The following DHX40 variants were observed in gnomAD, a reference collection of about 807,000 sequenced individuals.
DHX40 encodes the protein probable ATP-dependent RNA helicase DHX40.
DHX40 carries 28 observed loss-of-function variants against 89.6 expected under a neutral mutation model. That is an observed-to-expected ratio of 0.31 (90% CI 0.23 to 0.43). The LOEUF is 0.43. Ranked by LOEUF, DHX40 falls within the 20% of genes least tolerant of loss-of-function variation. The pLI is 1.00. For missense variants in DHX40, 457 were observed against 844.0 expected (o/e 0.54, Z 5.68); for synonymous variants, 226 against 283.6 (o/e 0.80, Z 2.04).
chr17:59,568,417 C>T (rs1019927946), intron 2 of DHX40, among the ~76,000 whole-genome samples: 2 of 152,040 alleles, frequency 1.3e-5, no homozygotes, highest in African/African-American at 4.8e-5. Flanking sequence ...TAAGATATAT[C>T]ACTATTTTAT....
chr17:59,571,511 T>C (rs2048808374), intron 3 of DHX40, among the ~76,000 whole-genome samples: 1 of 151,670 alleles, frequency 6.6e-6, no homozygotes, highest in Non-Finnish European at 1.5e-5. Flanking sequence ...CCATTTCTAC[T>C]TTCAGAACTT....
intron 6 of DHX40, among the ~76,000 whole-genome samples, chr17:59,575,110 A>G (rs1598144706): frequency 1.3e-5 from 2 of 151,910 alleles, no homozygotes; most frequent in East Asian, 3.8e-4. Context: ...CTTGACGATG[A>G]TAAATATTTT....
At chr17:59,588,241 A>AAAAACAAAAAAAAACAAAAAAAAAAAAC (rs1367090814) in intron 12 of DHX40, among the ~76,000 whole-genome samples, 188 bp downstream of exon 12, 1 of 146,066 alleles carries the variant, frequency 6.8e-6, no homozygotes, top group African/African-American at 2.7e-5. Flanking sequence ...AAAAAAAAAA[A>AAAAACAAAAAAAAACAAAAAAAAAAAAC]CCAAAAACAA....
At chr17:59,594,324 A>T (rs948621775) in intron 12 of DHX40, among the ~76,000 whole-genome samples, 1 of 152,054 alleles carries the variant, frequency 6.6e-6, no homozygotes, top group Non-Finnish European at 1.5e-5. Context: ...TCTTGATCCA[A>T]ATAAAGTTGG....
At position 59,574,243 on chromosome 17, in the gene DHX40, T is replaced by C; in HGVS notation, c.830T>C (p.Val277Ala). 2.0e-6 allele frequency: 1 copy of C among 500,022 alleles called. No individual in the cohort carries two copies. Among genetic ancestry groups the C allele is most frequent in the Non-Finnish European group, 3.5e-6 (1 of 289,720 alleles). The allele number at this position is 500,022 out of a possible 1,614,324, so 31.0% of individuals were successfully genotyped here. ...HLNEMAGDIL[V>A]FLTGQFEIEK... ...AATGAAATGGCTGGAGACATCTTGG[T>C]TTTTCTGACTGGTGAGCATTCAGTA... The change falls in exon 6 of 18, where the codon GTT becomes GCT. Residue 277 changes from valine (V) to alanine (A), a missense_variant. Val to Ala is a moderately conservative substitution (Grantham distance 64). Coordinates refer to ENST00000251241, the MANE Select transcript of DHX40 (RefSeq NM_024612.5).
At chr17:59,590,039 G>A (rs1359400105) in intron 12 of DHX40, among the ~76,000 whole-genome samples, 1 of 151,870 alleles carries the variant, frequency 6.6e-6, no homozygotes, top group Non-Finnish European at 1.5e-5. Flanking sequence ...ATTAGTAAAG[G>A]AAGATAGTGC....
At chr17:59,567,547 T>G (rs1314693138) in intron 2 of DHX40, among the ~76,000 whole-genome samples, 1 of 152,176 alleles carries the variant, frequency 6.6e-6, no homozygotes, top group Non-Finnish European at 1.5e-5. Flanking sequence ...ACAATCAGCC[T>G]CCTCTGCTCA....
chr17:59,574,644 T>C (rs1163697483), intron 6 of DHX40, among the ~76,000 whole-genome samples: 15 of 149,156 alleles, frequency 1.0e-4, no homozygotes, highest in African/African-American at 3.1e-4. Flanking sequence ...TAGAAAGAAA[T>C]TAAATAGTGA....
At position 59,566,808 on chromosome 17, in the gene DHX40, G is replaced by A. The variant is rs764400505; in HGVS notation, c.280+14G>A. 3.9e-6 allele frequency: 6 copies of A among 1,553,908 alleles called. No homozygotes were observed. Among genetic ancestry groups the A allele is most frequent in the African/African-American group, 1.4e-5 (1 of 71,104 alleles). ...TATATGAAGCAGGTGATTTTTTTCT[G>A]TTGTAATAATTGGAAATATTTTAAA... On this transcript the variant is annotated intron_variant, in intron 2 of 17. Transcript: ENST00000251241.
chr17:59,575,553 A>G, intron 7 of DHX40, 82 bp downstream of exon 7: 3 of 1,406,480 alleles, frequency 2.1e-6, no homozygotes, highest in Non-Finnish European at 2.9e-6. Flanking sequence ...AAGCAGTCAG[A>G]TCTTAAGTGC....
intron 12 of DHX40, among the ~76,000 whole-genome samples, chr17:59,590,601 C>T (rs924989714): frequency 2.0e-5 from 3 of 151,650 alleles, no homozygotes; most frequent in Admixed American, 6.6e-5. Context: ...TCCCCAGCAG[C>T]TGGGACCACA....
At chr17:59,589,163 C>G (rs1179721728) in intron 12 of DHX40, among the ~76,000 whole-genome samples, 1 of 148,522 alleles carries the variant, frequency 6.7e-6, no homozygotes, top group Non-Finnish European at 1.5e-5. Flanking sequence ...TTCATATAAA[C>G]TTTAGAACCA....
chr17:59,577,405 A>G (rs772509594), intron 8 of DHX40, 40 bp downstream of exon 8: 24 of 1,531,564 alleles, frequency 1.6e-5, no homozygotes, highest in Middle Eastern at 1.7e-4. Context: ...AAGGAAGCCT[A>G]TCGTTACTAA....
intron 7 of DHX40, 195 bp from the exon 8 acceptor site, chr17:59,577,071 A>G (rs549555630): frequency 1.0e-4 from 62 of 615,472 alleles, no homozygotes; most frequent in Non-Finnish European, 1.6e-4. Flanking sequence ...GGGTCTCACC[A>G]TGTTAGCCAG....
chr17:59,596,246 G>T (rs1434393598), intron 12 of DHX40, among the ~76,000 whole-genome samples: 1 of 152,068 alleles, frequency 6.6e-6, no homozygotes, highest in Admixed American at 6.6e-5. Flanking sequence ...GCAGTTAGGT[G>T]CTTGAAATGA....
At chr17:59,586,964 A>G (rs555405728) in intron 11 of DHX40, among the ~76,000 whole-genome samples, 8,835 of 152,076 alleles carry the variant, frequency 0.058, 724 homozygotes, top group African/African-American at 0.19. Context: ...GACAAGCCTG[A>G]GAAACATAGT....
At chr17:59,590,916 G>A (rs1054829192) in intron 12 of DHX40, among the ~76,000 whole-genome samples, 5 of 151,306 alleles carry the variant, frequency 3.3e-5, no homozygotes, top group Admixed American at 3.3e-4. Context: ...GGGCACAGTG[G>A]TATCCCAGCT....
chr17:59,606,941 A>G (rs2030898037), intron 17 of DHX40, 92 bp from the exon 18 acceptor site: 1 of 1,206,460 alleles, frequency 8.3e-7, no homozygotes, highest in African/African-American at 1.5e-5. Flanking sequence ...TACTTTGTTA[A>G]CACTGAAAAA....
rs60595433 is a variant in DHX40, at chr17:59,599,825, C to G, written c.1806+342C>G. On this transcript the variant is annotated intron_variant, in intron 14 of 17. Transcript: ENST00000251241. ...CTCCCAGTTTTCTCATCCTCCCCCC[C>G]ACCTTTTTTTTTTTTTGAGATGGAG... Among the ~76,000 whole-genome samples, 21 of 150,090 alleles carry G rather than the reference C, an allele frequency of 1.4e-4. No individual in the cohort carries two copies. In the South Asian group the frequency reaches 1.7e-3, roughly 12 times the overall value.
Sources: allele counts gnomAD v4.1 joint callset (sites outside exome capture counted in the v4.1 genomes callset), GRCh38; gene constraint gnomAD v4.1.1; transcripts MANE v1.5; gene names NCBI Gene and HGNC (gene_info 2026-07-23, HGNC 2026-07-21).